Variants in SPOCK3 observed in about 807,000 individuals in gnomAD.
SPOCK3 encodes the protein testican-3.
In SPOCK3, 30 loss-of-function variants were observed where a neutral mutation model predicts 56.6. That is an observed-to-expected ratio of 0.53 (90% confidence interval 0.40 to 0.72). The LOEUF (loss-of-function observed/expected upper bound fraction) is 0.72. Ranked by LOEUF, SPOCK3 falls within the 30% of genes least tolerant of loss-of-function variation. The pLI is 0.00. For synonymous variants in SPOCK3, 196 were observed against 183.3 expected (o/e 1.07, Z -0.56); for missense variants, 527 against 530.0 (o/e 0.99, Z 0.06).
At chr4:166,851,377 G>A (rs1038012022) in intron 6 of SPOCK3, among the ~76,000 whole-genome samples, 36 of 152,314 alleles carry the variant, frequency 2.4e-4, no homozygotes, top group African/African-American at 6.5e-4. Flanking sequence ...AAAAGATAGA[G>A]CAGAAAAACT....
chr4:166,881,674 C>T (rs1047669293), intron 6 of SPOCK3, among the ~76,000 whole-genome samples: 3 of 152,006 alleles, frequency 2.0e-5, no homozygotes, highest in African/African-American at 7.2e-5. Flanking sequence ...TATCTTGAGG[C>T]TTAAAATTAT....
intron 3 of SPOCK3, among the ~76,000 whole-genome samples, chr4:167,005,290 A>G (rs1176027250): frequency 1.3e-5 from 2 of 151,868 alleles, no homozygotes; most frequent in Non-Finnish European, 2.9e-5. Context: ...GCTCACTGCA[A>G]GCTCTGCCTC....
intron 8 of SPOCK3, among the ~76,000 whole-genome samples, chr4:166,745,556 G>A (rs1447383229): frequency 2.0e-5 from 3 of 152,174 alleles, no homozygotes; most frequent in Non-Finnish European, 2.9e-5. Flanking sequence ...AAAGACCATT[G>A]ACACTAGGAA....
chr4:167,015,849 A>C (rs1035634048), intron 3 of SPOCK3, among the ~76,000 whole-genome samples: 4 of 152,174 alleles, frequency 2.6e-5, no homozygotes, highest in Non-Finnish European at 4.4e-5. Flanking sequence ...ATCCTGGTGC[A>C]AATGAAAATT....
At chr4:166,995,050 C>A (rs1748204912) in intron 4 of SPOCK3, among the ~76,000 whole-genome samples, 1 of 152,006 alleles carries the variant, frequency 6.6e-6, no homozygotes, top group Admixed American at 6.6e-5. Context: ...TAACATAAGA[C>A]AATAAAGCAT....
intron 2 of SPOCK3, among the ~76,000 whole-genome samples, chr4:167,077,134 C>A (rs1354973421): frequency 6.6e-6 from 1 of 151,758 alleles, no homozygotes; most frequent in African/African-American, 2.4e-5. Context: ...TATTAAGTGA[C>A]TCTACATAAT....
intron 4 of SPOCK3, among the ~76,000 whole-genome samples, chr4:166,994,820 G>C (rs1319840126): frequency 6.6e-6 from 1 of 151,928 alleles, no homozygotes; most frequent in Non-Finnish European, 1.5e-5. Context: ...CTCAACTAGG[G>C]GATACTATGC....
intron 4 of SPOCK3, among the ~76,000 whole-genome samples, chr4:166,915,800 A>G (rs1737781705): frequency 6.6e-6 from 1 of 152,182 alleles, no homozygotes; most frequent in South Asian, 2.1e-4. Context: ...GGTGCAGAAA[A>G]GATTAACCTT....
intron 4 of SPOCK3, among the ~76,000 whole-genome samples, chr4:166,955,248 T>C (rs1743262020): frequency 6.6e-6 from 1 of 151,576 alleles, no homozygotes; most frequent in South Asian, 2.1e-4. Context: ...TAAAGAATAT[T>C]GTATTGTCAT....
chr4:166,849,586 T>C (rs764780564), intron 6 of SPOCK3, among the ~76,000 whole-genome samples: 5 of 152,202 alleles, frequency 3.3e-5, no homozygotes, highest in Non-Finnish European at 7.4e-5. Flanking sequence ...ACATCTATTT[T>C]AATTGTGTTG....
At chr4:167,030,864 C>A (rs1355190423) in intron 3 of SPOCK3, among the ~76,000 whole-genome samples, 1 of 152,002 alleles carries the variant, frequency 6.6e-6, no homozygotes, top group Non-Finnish European at 1.5e-5. Flanking sequence ...CAACAAGCTG[C>A]AGGAACTCTT....
intron 6 of SPOCK3, among the ~76,000 whole-genome samples, chr4:166,824,038 C>T (rs1034763565): frequency 6.6e-6 from 1 of 151,968 alleles, no homozygotes; most frequent in Non-Finnish European, 1.5e-5. Flanking sequence ...TGTCCCTTGC[C>T]CTGCTCCTGA....
At chr4:167,055,587 T>A (rs1754725095) in intron 3 of SPOCK3, among the ~76,000 whole-genome samples, 1 of 152,128 alleles carries the variant, frequency 6.6e-6, no homozygotes, top group South Asian at 2.1e-4. Flanking sequence ...GAAAATCGGG[T>A]CACTCTCACC....
At position 167,136,027 on chromosome 4, in the gene SPOCK3, G is replaced by A. The variant is rs145862727; in HGVS notation, c.190-73490C>T. Reference sequence around the variant, plus strand: ...CACCTTTTAGCTAATGTCCAAATATGCTTATTTTCATTTTTTTTTCCCTCT... The same window carrying A: ...CACCTTTTAGCTAATGTCCAAATATACTTATTTTCATTTTTTTTTCCCTCT... On this transcript the variant is annotated intron_variant, in intron 2 of 10. Coordinates refer to ENST00000357545, the MANE Select transcript of SPOCK3 (RefSeq NM_001040159.2). Among the ~76,000 whole-genome samples, 315 of 152,108 alleles carry A rather than the reference G, an allele frequency of 2.1e-3. 1 individual carries two copies. Among genetic ancestry groups the A allele is most frequent in the African/African-American group, 7.1e-3 (295 of 41,456 alleles).
chr4:166,965,775 T>G (rs1744669823), intron 4 of SPOCK3, among the ~76,000 whole-genome samples: 1 of 152,174 alleles, frequency 6.6e-6, no homozygotes, highest in Non-Finnish European at 1.5e-5. Context: ...CAAATGGATC[T>G]CAACACCCCT....
At chr4:167,063,964 A>G (rs79228826) in intron 2 of SPOCK3, among the ~76,000 whole-genome samples, 3,166 of 151,990 alleles carry the variant, frequency 0.021, 50 homozygotes, top group Non-Finnish European at 0.032. Flanking sequence ...GCTGTGATAA[A>G]CATATGAGTG....
intron 2 of SPOCK3, among the ~76,000 whole-genome samples, chr4:167,116,913 G>GTATATATA (rs70957813): frequency 6.6e-5 from 8 of 121,532 alleles, no homozygotes; most frequent in Admixed American, 1.8e-4. Context: ...GTGTGTGTGT[G>GTATATATA]TATATATATA....
rs1185938673 is a variant in SPOCK3, at chr4:166,908,271, TTCAC to T, written c.474+4345_474+4348del. On this transcript the variant is annotated intron_variant, in intron 5 of 10. Coordinates refer to ENST00000357545, the MANE Select transcript of SPOCK3 (RefSeq NM_001040159.2). ...TTCCCCTTTAATGCTAATGTTATTG[TTCAC>T]ACACACACACACACACACACACACA... Among the ~76,000 whole-genome samples the T allele has an allele frequency of 4.0e-4, 53 of 132,790 alleles. No individual in the cohort carries two copies. The East Asian group carries it at 0.01, about 26-fold the overall frequency. The allele number at this position is 132,790 out of a possible 152,430, so 87.1% of individuals were successfully genotyped here.
At chr4:166,896,472 G>A (rs186288792) in intron 5 of SPOCK3, among the ~76,000 whole-genome samples, 1 of 152,256 alleles carries the variant, frequency 6.6e-6, no homozygotes, top group Non-Finnish European at 1.5e-5. Flanking sequence ...CGAGGTGCAT[G>A]CTTAAGCAGA....
Sources: gnomAD v4.1 joint callset for allele counts (sites outside exome capture counted in the v4.1 genomes callset) on GRCh38, gnomAD v4.1.1 for gene constraint, MANE v1.5 for transcripts, NCBI Gene and HGNC (gene_info 2026-07-23, HGNC 2026-07-21) for gene names.